Variants in SLC14A2 observed in about 807,000 individuals in gnomAD.
SLC14A2 encodes urea transporter 2.
Under a neutral mutation model 104.6 loss-of-function variants are expected in SLC14A2, and 91 were observed. The observed-to-expected ratio is 0.87, with a 90% CI of 0.73 to 1.04. SLC14A2 has a LOEUF of 1.04. SLC14A2 is among the 50% of genes least tolerant of loss of function. The pLI, the probability that SLC14A2 is intolerant of heterozygous loss-of-function variation, is 0.00. For synonymous variants in SLC14A2, 476 were observed against 466.4 expected, an observed-to-expected ratio of 1.02 and a Z score of -0.27; for missense variants, 1,189 against 1,156.0, an observed-to-expected ratio of 1.03 and a Z score of -0.41.
At chr18:45,182,313 T>C in the SLC14A2 span, among the ~76,000 whole-genome samples, 32 of 151,916 alleles carry the variant, frequency 2.1e-4, no homozygotes, top group African/African-American at 7.2e-4. Flanking sequence ...ACAGTACTTT[T>C]AAAGTAACAC....
intron 2 of SLC14A2, among the ~76,000 whole-genome samples, chr18:45,523,000 C>T (rs1289399287): frequency 6.6e-6 from 1 of 152,132 alleles, no homozygotes; most frequent in East Asian, 1.9e-4. Flanking sequence ...CTGATCTCTC[C>T]AAGTCATGGG....
At position 45,610,032 on chromosome 18, in the gene SLC14A2, G is replaced by A. The variant is rs16978427; in HGVS notation, c.-34-14599G>A. On this transcript the variant is annotated intron_variant, in intron 2 of 20. Transcript: ENST00000586448. ...ATTTTGCTTGCTTACTGAATGCTTT[G>A]ACCACTAAGCAAAAATTGTAAAATA... 5.7e-3 allele frequency among the ~76,000 whole-genome samples: 864 copies of A among 152,250 alleles called. 12 individuals carry two copies. Among genetic ancestry groups the A allele is most frequent in the African/African-American group, 0.02 (825 of 41,532 alleles).
At chr18:45,349,396 TA>T (rs1415783317) in intron 1 of SLC14A2, among the ~76,000 whole-genome samples, 1 of 152,174 alleles carries the variant, frequency 6.6e-6, no homozygotes, top group Non-Finnish European at 1.5e-5. Flanking sequence ...GTGATAGAAA[TA>T]GATACTGTTG....
intron 1 of SLC14A2, among the ~76,000 whole-genome samples, chr18:45,256,516 A>G (rs963719887): frequency 3.3e-5 from 5 of 152,218 alleles, no homozygotes; most frequent in South Asian, 2.1e-4. Context: ...TACAACTCCA[A>G]TGCCTCATTC....
chr18:45,341,880 G>A (rs1034031508), intron 1 of SLC14A2, among the ~76,000 whole-genome samples: 10 of 151,986 alleles, frequency 6.6e-5, no homozygotes, highest in Non-Finnish European at 1.3e-4. Flanking sequence ...GAGCCACCAC[G>A]CCTGATCCCA....
chr18:45,517,384 C>G (rs557601021), intron 2 of SLC14A2, among the ~76,000 whole-genome samples: 2 of 152,198 alleles, frequency 1.3e-5, no homozygotes, highest in Non-Finnish European at 2.9e-5. Flanking sequence ...AGCCTCCCCC[C>G]TCCCAATAGA....
At chr18:45,365,771 G>A (rs1261342051) in intron 1 of SLC14A2, among the ~76,000 whole-genome samples, 4 of 152,218 alleles carry the variant, frequency 2.6e-5, no homozygotes, top group South Asian at 4.1e-4. Flanking sequence ...AAATCACAGT[G>A]CTACCACCTG....
At chr18:45,202,056 T>A in the SLC14A2 span, among the ~76,000 whole-genome samples, 2 of 152,170 alleles carry the variant, frequency 1.3e-5, no homozygotes, top group African/African-American at 4.8e-5. Context: ...GAAACAAAAT[T>A]ATTTTTCTTT....
At chr18:45,507,619 C>A (rs1250877665) in intron 2 of SLC14A2, among the ~76,000 whole-genome samples, 1 of 152,188 alleles carries the variant, frequency 6.6e-6, no homozygotes, top group Non-Finnish European at 1.5e-5. Flanking sequence ...ATGGTGGAGG[C>A]AGCCTATTGA....
rs146635350 is a variant in SLC14A2, at chr18:45,638,107, G to C, written c.843+925G>C. ...CGTTCCCGGATGGAAAGGTGGACGT[G>C]AACTCCCCTCAGCATCCCGCATTCC... On this transcript the variant is annotated intron_variant, in intron 6 of 19. Coordinates refer to ENST00000255226, the MANE Select transcript of SLC14A2 (RefSeq NM_007163.4). Among the ~76,000 whole-genome samples the C allele has an allele frequency of 2.1e-3, 320 of 152,272 alleles. 1 individual carries two copies. Among genetic ancestry groups the C allele is most frequent in the African/African-American group, 7.1e-3 (297 of 41,566 alleles).
chr18:45,561,482 T>G (rs533348759), intron 2 of SLC14A2, among the ~76,000 whole-genome samples: 5 of 152,266 alleles, frequency 3.3e-5, no homozygotes, highest in African/African-American at 9.6e-5. Flanking sequence ...CAAATGAGGC[T>G]GGGAAAGGGT....
intron 14 of SLC14A2, among the ~76,000 whole-genome samples, 159 bp from the exon 15 acceptor site, chr18:45,668,190 A>G (rs112717216): frequency 6.6e-6 from 1 of 152,182 alleles, no homozygotes. Context: ...GAGAAATATG[A>G]AGGATTCATA....
chr18:45,400,646 A>G (rs536609395), intron 1 of SLC14A2, among the ~76,000 whole-genome samples: 2 of 152,092 alleles, frequency 1.3e-5, no homozygotes, highest in African/African-American at 2.4e-5. Context: ...TTATCCATCA[A>G]TGTTTCTTGC....
At chr18:45,611,810 A>C (rs893411142), upstream of SLC14A2, among the ~76,000 whole-genome samples, 1 of 152,204 alleles carries the variant, frequency 6.6e-6, no homozygotes. Flanking sequence ...GCAAAACAAG[A>C]AGAAGAGCAC....
chr18:45,497,274 C>T (rs1396679145), intron 2 of SLC14A2, among the ~76,000 whole-genome samples: 2 of 152,200 alleles, frequency 1.3e-5, no homozygotes, highest in Non-Finnish European at 2.9e-5. Flanking sequence ...CTGATAGCCA[C>T]AGTCATTCAA....
intron 1 of SLC14A2, among the ~76,000 whole-genome samples, chr18:45,334,731 G>GAGTCA (rs1236998118): frequency 1.3e-5 from 2 of 152,172 alleles, no homozygotes; most frequent in Non-Finnish European, 2.9e-5. Flanking sequence ...AGGAGTAAAT[G>GAGTCA]AGTCAGTAGC....
At chr18:45,380,372 T>C (rs188312162) in intron 1 of SLC14A2, among the ~76,000 whole-genome samples, 2 of 152,330 alleles carry the variant, frequency 1.3e-5, no homozygotes, top group East Asian at 3.9e-4. Context: ...TGAGAAATTA[T>C]GGGCATCTGA....
chr18:45,618,828 T>A lies in SLC14A2; in HGVS notation c.-35+3246T>A, dbSNP rs541653694. Among the ~76,000 whole-genome samples, 219 of 151,680 alleles carry A rather than the reference T, an allele frequency of 1.4e-3. 5 individuals carry two copies. The highest frequency in any genetic ancestry group is 9.0e-3 in the South Asian group (43 of 4,798). Reference sequence around the variant, plus strand: ...TAATTCACACCAACAACTCAAGAAATCCCTTTGAACATGGGCCCCTTACAT... The same window carrying A: ...TAATTCACACCAACAACTCAAGAAAACCCTTTGAACATGGGCCCCTTACAT... On this transcript the variant is annotated intron_variant, in intron 1 of 19. Coordinates refer to ENST00000255226, the MANE Select transcript of SLC14A2 (RefSeq NM_007163.4).
chr18:45,509,988 T>C (rs762147745), intron 2 of SLC14A2, among the ~76,000 whole-genome samples: 3 of 152,154 alleles, frequency 2.0e-5, no homozygotes, highest in Non-Finnish European at 4.4e-5. Flanking sequence ...GGGTTGCCCA[T>C]AATCCTACCC....
Sources: gnomAD v4.1 joint callset for allele counts (sites outside exome capture counted in the v4.1 genomes callset) on GRCh38, gnomAD v4.1.1 for gene constraint, MANE v1.5 for transcripts, NCBI Gene and HGNC (gene_info 2026-07-23, HGNC 2026-07-21) for gene names.